KIF7: variants seen among roughly 807,000 people sequenced by gnomAD.
The protein encoded by KIF7 is kinesin family member 7.
KIF7 carries 104 observed loss-of-function variants against 135.7 expected under a neutral mutation model. The observed-to-expected ratio is 0.77, with a 90% CI of 0.65 to 0.90. The LOEUF is 0.90. Among genes scored for constraint, KIF7 ranks in the 40% least tolerant of loss-of-function variants. KIF7 has a pLI of 0.00. For missense variants in KIF7, 2,005 were observed against 1,839.1 expected (o/e 1.09, Z -1.65); for synonymous variants, 883 against 809.4 (o/e 1.09, Z -1.54).
At chr15:89,629,770 T>G (rs1596065207) in intron 16 of KIF7, 197 bp from the exon 17 acceptor site, 2 of 662,652 alleles carry the variant, frequency 3.0e-6, no homozygotes, top group East Asian at 5.5e-5. Flanking sequence ...GAGCTGGCTC[T>G]CACCTTATCT....
chr15:89,633,592 G>A (rs1470312494), intron 12 of KIF7, 94 bp downstream of exon 12: 3 of 1,352,910 alleles, frequency 2.2e-6, no homozygotes, highest in Admixed American at 1.9e-5. Context: ...TCACGTGGCT[G>A]TGGGTTGCAA....
chr15:89,647,506 TA>T, intron 6 of KIF7, 89 bp downstream of exon 6: 1 of 1,167,978 alleles, frequency 8.6e-7, no homozygotes, highest in Non-Finnish European at 1.3e-6. Context: ...TACCCTACCC[TA>T]ACTCCCTCCC....
intron 15 of KIF7, 124 bp from the exon 16 acceptor site, chr15:89,630,617 C>A: frequency 3.7e-6 from 3 of 802,568 alleles, no homozygotes; most frequent in Non-Finnish European, 6.3e-6. Context: ...TCCCAAGGGC[C>A]AAGTCAGCCC....
chr15:89,645,822 C>T lies in KIF7; in HGVS notation c.1922+71G>A, dbSNP rs557317055. On this transcript the variant is annotated intron_variant, in intron 8 of 18. Coordinates refer to ENST00000394412, the MANE Select transcript of KIF7 (RefSeq NM_198525.3). ...ACTGCTGTCAGGAGAGGAGACGGTG[C>T]GATCCCCAGCCTGCCTAGCCCTGGG... The T allele has an allele frequency of 1.8e-4, 274 of 1,562,950 alleles. 2 individuals are homozygous for T. The African/African-American group carries it at 3.3e-3, about 19-fold the overall frequency.
intron 11 of KIF7, among the ~76,000 whole-genome samples, chr15:89,637,136 A>G (rs1963824907): frequency 2.6e-5 from 3 of 115,160 alleles, no homozygotes; most frequent in Admixed American, 9.6e-5. Context: ...ACCAACGAGA[A>G]CAAAGACACA....
intron 15 of KIF7, 159 bp from the exon 16 acceptor site, chr15:89,630,652 C>T (rs560683625): frequency 8.7e-6 from 6 of 692,252 alleles, no homozygotes; most frequent in Non-Finnish European, 1.6e-5. Flanking sequence ...CCCCTGCTCA[C>T]TGTCACAGCC....
At position 89,649,318 on chromosome 15, in the gene KIF7, C is replaced by CA. The variant is rs1964084461; in HGVS notation, c.578dup (p.Ser194GlufsTer22). The CA allele has an allele frequency of 6.8e-7, 1 of 1,481,262 alleles. No individual in the cohort carries two copies. The highest frequency in any genetic ancestry group is 1.4e-5 in the South Asian group (1 of 73,216). The allele number at this position is 1,481,262 out of a possible 1,614,324, so 91.8% of individuals were successfully genotyped here. ...CCGCGTTGCCCATCTCCAGGAGGCT[C>CA]AGCACCTCATCCAGGCCCTCCACGT... On this transcript the variant is annotated frameshift_variant, in exon 4 of 19. Coordinates refer to ENST00000394412, the MANE Select transcript of KIF7 (RefSeq NM_198525.3). LOFTEE classifies it high-confidence loss of function.
In KIF7 at chr15:89,647,720, G is replaced by T. The variant is rs1275192981; in HGVS notation, c.1444-8C>A. On this transcript the variant is annotated splice_region_variant and splice_polypyrimidine_tract_variant and intron_variant, in intron 5 of 18. Coordinates refer to ENST00000394412, the MANE Select transcript of KIF7 (RefSeq NM_198525.3). ...CTGCGCCCCCTCATCCTCCTATAGG[G>T]CAGGGAGAGGGGCTTCAGGGGCGGG... The T allele has an allele frequency of 6.4e-7, 1 of 1,554,288 alleles. No homozygotes were observed. The highest frequency in any genetic ancestry group is 1.2e-5 in the South Asian group (1 of 85,242).
intron 5 of KIF7, 137 bp downstream of exon 5, chr15:89,648,118 C>T: frequency 7.4e-7 from 1 of 1,359,454 alleles, no homozygotes; most frequent in Non-Finnish European, 9.5e-7. Context: ...CGGTAATCAG[C>T]AGAAGTGACC....
In KIF7 at chr15:89,629,455, C is replaced by T. The variant is rs761352990; in HGVS notation, c.3437G>A (p.Arg1146His). 1.8e-5 allele frequency: 29 copies of T among 1,609,566 alleles called. No individual in the cohort carries two copies. The highest frequency in any genetic ancestry group is 5.3e-5 in the African/African-American group (4 of 74,906). ...YWLEVALERQRLEMDRQLTLQ... is the reference protein window; with the variant it reads ...YWLEVALERQHLEMDRQLTLQ... ...GGTCAGCTGGCGGTCCATCTCCAGG[C>T]GCTGCCGCTCCAGGGCCACCTCCAG... The change falls in exon 17 of 19, where the codon CGC becomes CAC. Residue 1146 changes from arginine to histidine, a missense_variant. Physicochemically the swap from Arg to His is conservative, Grantham distance 29. Coordinates refer to ENST00000394412, the MANE Select transcript of KIF7 (RefSeq NM_198525.3).
Position 89,645,904 on chromosome 15 carries a change from T to G in KIF7, c.1911A>C (p.Leu637Phe). 1.2e-6 allele frequency: 2 copies of G among 1,613,526 alleles called. No homozygotes were observed. Among genetic ancestry groups the G allele is most frequent in the Non-Finnish European group, 1.7e-6 (2 of 1,179,936 alleles). ...EEEEEPPRRTLHLRRNRISNC... is the reference protein window; with the variant it reads ...EEEEEPPRRTFHLRRNRISNC... ...TGGGTCCCACTCACCTGCGCAGGTGTAAGGTCCGCCTGGGCGGCTCCTCCT... is the reference window on the plus strand; with the variant it reads ...TGGGTCCCACTCACCTGCGCAGGTGGAAGGTCCGCCTGGGCGGCTCCTCCT... Residue 637 changes from leucine to phenylalanine, a missense_variant, in exon 8 of 19, where the codon TTA (leucine) becomes TTC (phenylalanine). By Grantham distance (22) the Leu-to-Phe change is conservative. Transcript: ENST00000394412.
chr15:89,632,900 G>A lies in KIF7; in HGVS notation c.2815C>T (p.Arg939Trp), dbSNP rs142786336. ...TCCTTCTTGGCCAGGATGGCCTCCC[G>A]CTTGTGGAGCTCCTCCCCCAGCTCC... ...LEELGEELHK[R>W]EAILAKKEAL... Residue 939 changes from arginine (R) to tryptophan (W), a missense_variant, in exon 14 of 19, where the codon CGG becomes TGG. Physicochemically the swap from Arg to Trp is moderately radical, Grantham distance 101. Coordinates refer to ENST00000394412, the MANE Select transcript of KIF7 (RefSeq NM_198525.3). The A allele has an allele frequency of 7.7e-5, 124 of 1,608,984 alleles. 1 individual carries two copies. The highest frequency in any genetic ancestry group is 2.0e-4 in the East Asian group (9 of 44,822).
In KIF7 at chr15:89,649,110, C is replaced by A. The variant is rs1169060633; in HGVS notation, c.787G>T (p.Gly263Cys). Residue 263 changes from glycine to cysteine, a missense_variant, in exon 4 of 19, where the codon GGC becomes TGC. Coordinates refer to ENST00000394412, the MANE Select transcript of KIF7 (RefSeq NM_198525.3). ...LAGSERVLKT[G>C]STGERLKESI... ...TCCTTGAGCCGCTCGCCGGTGCTGC[C>A]CGTCTTGAGCACCCTCTCTGAGCCC... 24 of 1,547,760 alleles carry A rather than the reference C, an allele frequency of 1.6e-5. No homozygotes were observed. The highest frequency in any genetic ancestry group is 2.0e-5 in the Non-Finnish European group (23 of 1,146,782).
downstream of KIF7, chr15:89,626,154 G>A (rs1963521706): frequency 6.7e-7 from 1 of 1,496,060 alleles, no homozygotes; most frequent in Non-Finnish European, 9.0e-7. Flanking sequence ...AGGAGCCCCA[G>A]GGAGTGCCAA....
chr15:89,662,526 A>G, the KIF7 span, among the ~76,000 whole-genome samples: 71 of 152,302 alleles, frequency 4.7e-4, 1 homozygote, highest in South Asian at 0.013. Context: ...AAAAGGGGTA[A>G]ATAATTGCCT....
chr15:89,629,256 G>T, intron 17 of KIF7, 119 bp downstream of exon 17: 2 of 1,205,278 alleles, frequency 1.7e-6, no homozygotes, highest in African/African-American at 1.7e-5. Context: ...AGGGCTGTAG[G>T]TGCAGGGGCT....
chr15:89,634,616 C>T (rs577341095), intron 11 of KIF7, among the ~76,000 whole-genome samples: 7 of 152,318 alleles, frequency 4.6e-5, no homozygotes, highest in Admixed American at 1.3e-4. Context: ...TGCGCTTTTC[C>T]GATGGGCTTA....
chr15:89,633,613 G>A, intron 12 of KIF7, 73 bp downstream of exon 12: 10 of 1,530,392 alleles, frequency 6.5e-6, no homozygotes, highest in Non-Finnish European at 8.9e-6. Flanking sequence ...ACCCTGCCTG[G>A]GCTCCCCTGG....
rs549295826 is a variant in KIF7, at chr15:89,632,813, G to T, written c.2895+7C>A. The T allele has an allele frequency of 3.1e-6, 5 of 1,601,620 alleles. No individual in the cohort carries two copies. Among genetic ancestry groups the T allele is most frequent in the Admixed American group, 3.4e-5 (2 of 59,672 alleles). On this transcript the variant is annotated splice_region_variant and intron_variant, in intron 14 of 18. Transcript: ENST00000394412. ...ACCTGGCAGGATCTCTCCTGGCAGG[G>T]CCTCACCTGGCTGGATCTCAGGCGC...
Sources: allele counts gnomAD v4.1 joint callset (sites outside exome capture counted in the v4.1 genomes callset), GRCh38; gene constraint gnomAD v4.1.1; transcripts MANE v1.5; gene names NCBI Gene and HGNC (gene_info 2026-07-23, HGNC 2026-07-21).